The following CCT7 variants were observed in gnomAD, a reference collection of about 807,000 sequenced individuals.
CCT7 encodes chaperonin containing TCP1 subunit 7.
CCT7 carries 16 observed loss-of-function variants against 56.6 expected under a neutral mutation model. That is an observed-to-expected ratio of 0.28 (90% CI 0.19 to 0.43). The LOEUF is 0.43. Ranked by LOEUF, CCT7 falls within the 20% of genes least tolerant of loss-of-function variation. The probability of loss-of-function intolerance (pLI) is 1.00; values close to 1 mark genes in which losing one functional copy is unlikely to be tolerated. For missense variants in CCT7, 519 were observed against 685.6 expected (o/e 0.76, Z 2.71); for synonymous variants, 262 against 254.8 (o/e 1.03, Z -0.27).
At chr2:73,245,437 C>A (rs1156936347) in intron 6 of CCT7, among the ~76,000 whole-genome samples, 2 of 152,212 alleles carry the variant, frequency 1.3e-5, no homozygotes, top group Non-Finnish European at 2.9e-5. Flanking sequence ...ATGATAGCCC[C>A]ATCCACACTT....
chr2:73,244,302 G>A, intron 5 of CCT7: 1 of 605,076 alleles, frequency 1.7e-6, no homozygotes, highest in Non-Finnish European at 2.9e-6. Flanking sequence ...CAGACCCTTG[G>A]CTGTGTCCCA....
chr2:73,245,655 C>T (rs971459378), intron 6 of CCT7, among the ~76,000 whole-genome samples: 1 of 152,190 alleles, frequency 6.6e-6, no homozygotes, highest in African/African-American at 2.4e-5. Context: ...TTACTTATTA[C>T]TCTTCGTCAG....
chr2:73,250,030 T>C, intron 9 of CCT7, 114 bp downstream of exon 9: 1 of 784,050 alleles, frequency 1.3e-6, no homozygotes, highest in Non-Finnish European at 2.2e-6. Context: ...CAAAGTGGTA[T>C]ACAGCTTTTA....
At position 73,244,589 on chromosome 2, in the gene CCT7, C is replaced by T; in HGVS notation, c.492C>T (p.Ser164=). The T allele has an allele frequency of 6.2e-7, 1 of 1,613,788 alleles. No individual in the cohort carries two copies. Among genetic ancestry groups the T allele is most frequent in the Non-Finnish European group, 8.5e-7 (1 of 1,179,748 alleles). The change falls in exon 6 of 12, where the codon AGC becomes AGT. Residue 164 remains serine, a synonymous_variant. Transcript: ENST00000258091. Reference sequence around the variant, plus strand: ...AAAAGTGTGCCATGACCGCTCTGAGCTCCAAGCTGATCTCCCAGCAGAAAG... The same window carrying T: ...AAAAGTGTGCCATGACCGCTCTGAGTTCCAAGCTGATCTCCCAGCAGAAAG... ...LLEKCAMTAL[S]SKLISQQKAF...
rs572436502 is a variant in CCT7 at position 73,235,290 on chromosome 2, T to C, written c.6+906T>C. On this transcript the variant is annotated intron_variant, in intron 1 of 11. Coordinates refer to ENST00000258091, the MANE Select transcript of CCT7 (RefSeq NM_006429.4). The stretch of plus-strand genomic sequence containing the variant: ...CTCGATGGTATCTCCTGGGTTGTTA[T>C]TGAGTAGGGCCAGCTTCCGAGGTGG... 4.6e-5 allele frequency among the ~76,000 whole-genome samples: 7 copies of C among 152,314 alleles called. No homozygotes were observed. The East Asian group carries it at 7.7e-4, about 17-fold the overall frequency.
intron 1 of CCT7, among the ~76,000 whole-genome samples, chr2:73,235,312 G>A (rs992435214): frequency 6.6e-6 from 1 of 152,270 alleles, no homozygotes; most frequent in Middle Eastern, 3.4e-3. Context: ...AGCTTCCGAG[G>A]TGGTGTTTGA....
At chr2:73,236,344 C>CTT (rs1372969989) in intron 1 of CCT7, among the ~76,000 whole-genome samples, 2 of 146,668 alleles carry the variant, frequency 1.4e-5, no homozygotes, top group Non-Finnish European at 1.5e-5. Flanking sequence ...GTTTCTTTTT[C>CTT]TTTTTTTTTT....
chr2:73,242,742 A>G (rs1240154207), intron 3 of CCT7, among the ~76,000 whole-genome samples: 3 of 152,336 alleles, frequency 2.0e-5, no homozygotes, highest in Admixed American at 6.5e-5. Context: ...CCCTGAGGAC[A>G]TTTGATTGTC....
chr2:73,234,723 C>T (rs1686790541), intron 1 of CCT7, among the ~76,000 whole-genome samples: 1 of 152,178 alleles, frequency 6.6e-6, no homozygotes, highest in Non-Finnish European at 1.5e-5. Flanking sequence ...TGCAGGTCGG[C>T]CGTGGTTACG....
intron 1 of CCT7, among the ~76,000 whole-genome samples, chr2:73,235,132 C>T (rs1169127344): frequency 6.6e-6 from 1 of 152,122 alleles, no homozygotes; most frequent in Non-Finnish European, 1.5e-5. Context: ...CTCTGGGTCT[C>T]GTTTTCTTGA....
chr2:73,240,623 T>A, intron 3 of CCT7, 80 bp downstream of exon 3: 1 of 700,550 alleles, frequency 1.4e-6, no homozygotes, highest in Non-Finnish European at 2.2e-6. Context: ...TTAAATTTTT[T>A]TAAGATTTTA....
chr2:73,240,710 T>C (rs1372226745), intron 3 of CCT7, among the ~76,000 whole-genome samples, 167 bp downstream of exon 3: 1 of 152,180 alleles, frequency 6.6e-6, no homozygotes, highest in Non-Finnish European at 1.5e-5. Context: ...TCATACTATT[T>C]CGTTACATGT....
At chr2:73,234,452 T>A in intron 1 of CCT7, 68 bp downstream of exon 1, 1 of 1,578,058 alleles carries the variant, frequency 6.3e-7, no homozygotes, top group Non-Finnish European at 8.7e-7. Flanking sequence ...CCGCTCGGCC[T>A]GGGCTTGCTC....
At chr2:73,239,878 C>A in intron 2 of CCT7, 82 bp downstream of exon 2, 2 of 1,202,106 alleles carry the variant, frequency 1.7e-6, no homozygotes, top group Non-Finnish European at 1.2e-6. Flanking sequence ...AGGTTGGTAT[C>A]AGAAATCCCA....
rs773954747 is a variant in CCT7, at chr2:73,240,535, G to A, written c.259G>A (p.Asp87Asn). The change falls in exon 3 of 12, where the codon GAT becomes AAT. Residue 87 changes from aspartate to asparagine, a missense_variant. Coordinates refer to ENST00000258091, the MANE Select transcript of CCT7 (RefSeq NM_006429.4). ...KTLVDIAKSQ[D>N]AEVGDGTTSV... ...TTTGGTAGACATTGCCAAATCCCAA[G>A]ATGCTGAGGTAGGAAAATAGTTGTG... The A allele has an allele frequency of 6.3e-7, 1 of 1,591,818 alleles. No individual in the cohort carries two copies. The highest frequency in any genetic ancestry group is 1.1e-5 in the South Asian group (1 of 89,156).
At chr2:73,242,978 G>C (rs758857680) in intron 3 of CCT7, 26 bp from the exon 4 acceptor site, 1 of 1,613,072 alleles carries the variant, frequency 6.2e-7, no homozygotes, top group Non-Finnish European at 8.5e-7. Context: ...ATCAGAAAAC[G>C]TGTATTTCCT....
At chr2:73,235,531 C>G (rs1431530737) in intron 1 of CCT7, 1 of 1,001,604 alleles carries the variant, frequency 1.0e-6, no homozygotes, top group Non-Finnish European at 1.2e-6. Context: ...AGTACTTCCT[C>G]TCCCCTTTAT....
intron 4 of CCT7, 185 bp from the exon 5 acceptor site, chr2:73,243,797 ATTTCTGACTTGGAAT>A (rs1687215779): frequency 1.7e-6 from 1 of 596,560 alleles, no homozygotes; most frequent in Non-Finnish European, 3.0e-6. Flanking sequence ...CCCACTCTGC[ATTTCTGACTTGGAAT>A]TTTCTGAACT....
Position 73,252,849 on chromosome 2 carries a change from C to T in CCT7, c.1620C>T (p.Gly540=). 3.1e-6 allele frequency: 5 copies of T among 1,613,346 alleles called. No individual in the cohort carries two copies. The South Asian group carries it at 3.3e-5, about 11-fold the overall frequency. Residue 540 remains glycine, a synonymous_variant, in exon 12 of 12, where the codon GGC becomes GGT. Transcript: ENST00000258091. ...CAGCAGGCCGGGGCCGTGGTCGTGGCCGCCCCCACTGAGAGGCACCCCACC... is the reference window on the plus strand; with the variant it reads ...CAGCAGGCCGGGGCCGTGGTCGTGGTCGCCCCCACTGAGAGGCACCCCACC... ...PTAAGRGRGR[G]RPH
Sources: gnomAD v4.1 joint callset for allele counts (sites outside exome capture counted in the v4.1 genomes callset) on GRCh38, gnomAD v4.1.1 for gene constraint, MANE v1.5 for transcripts, NCBI Gene and HGNC (gene_info 2026-07-23, HGNC 2026-07-21) for gene names.